XPO1: variants seen among roughly 807,000 people sequenced by gnomAD.
XPO1 encodes exportin-1.
Under a neutral mutation model 133.3 loss-of-function variants are expected in XPO1, and 5 were observed. The ratio of observed to expected loss-of-function variants is 0.04; its 90% CI spans 0.02 to 0.08. XPO1 has a LOEUF of 0.08. Ranked by LOEUF, XPO1 falls within the 10% of genes least tolerant of loss-of-function variation. The probability of loss-of-function intolerance (pLI) is 1.00; values close to 1 mark genes in which losing one functional copy is unlikely to be tolerated. For synonymous variants in XPO1, 419 were observed against 408.2 expected, an observed-to-expected ratio of 1.03 and a Z score of -0.32; for missense variants, 506 against 1,267.5, an observed-to-expected ratio of 0.40 and a Z score of 9.12.
intron 4 of XPO1, among the ~76,000 whole-genome samples, chr2:61,515,625 A>G (rs1482718237): frequency 6.6e-6 from 1 of 152,196 alleles, no homozygotes; most frequent in Non-Finnish European, 1.5e-5. Flanking sequence ...AAACTGAAAT[A>G]TGAGGTCAAA....
Position 61,520,651 on chromosome 2 carries a change from G to GA in XPO1, c.301+1959dup, listed in dbSNP as rs1337328624. ...CAGAGTGAGAATCTGTCTCAACAAAGAAGAAAGAAAGAAACAAAAATTTTT... is the reference window on the plus strand; with the variant it reads ...CAGAGTGAGAATCTGTCTCAACAAAGAAAGAAAGAAAGAAACAAAAATTTTT... On this transcript the variant is annotated intron_variant, in intron 4 of 24. Coordinates refer to ENST00000401558, the MANE Select transcript of XPO1 (RefSeq NM_003400.4). 2.6e-5 allele frequency among the ~76,000 whole-genome samples: 4 copies of GA among 152,108 alleles called. No individual in the cohort carries two copies. The East Asian group carries it at 5.8e-4, about 22-fold the overall frequency.
chr2:61,490,016 G>A (rs72815582), intron 17 of XPO1, among the ~76,000 whole-genome samples: 16,867 of 150,102 alleles, frequency 0.11, 1,285 homozygotes, highest in South Asian at 0.33. Context: ...TCAGCCTCCC[G>A]AGTAGCTGGG....
Position 61,490,543 on chromosome 2 carries a change from T to C in XPO1, c.2022+99A>G, listed in dbSNP as rs1696930798. ...AGACACACATAAAAGCACTTATGGA[T>C]CACACATACATGTTAAAAGGCTTGA... On this transcript the variant is annotated intron_variant, in intron 17 of 24. Coordinates refer to ENST00000401558, the MANE Select transcript of XPO1 (RefSeq NM_003400.4). 6 of 1,508,664 alleles carry C rather than the reference T, an allele frequency of 4.0e-6. No individual in the cohort carries two copies. In the East Asian group the frequency reaches 1.1e-4, roughly 28 times the overall value. The allele number at this position is 1,508,664 out of a possible 1,614,324, so 93.5% of individuals were successfully genotyped here. A position where few individuals can be genotyped will look rare whatever the true frequency, so the allele number is the denominator to read the frequency against.
In XPO1 at chr2:61,485,959, C is replaced by T. The variant is rs1272790060; in HGVS notation, c.2317G>A (p.Ala773Thr). 2 of 1,605,710 alleles carry T rather than the reference C, an allele frequency of 1.2e-6. No homozygotes were observed. The highest frequency in any genetic ancestry group is 1.7e-6 in the Non-Finnish European group (2 of 1,176,612). ...VSRSNDPQMV[A>T]ENFVPPLLDA... ...AACAGAGGGGGAACAAAATTTTCAG[C>T]GACCTGTTGGGGAGGGAAAAAAAAG... The change falls in exon 20 of 25, where the codon GCT becomes ACT. Residue 773 changes from alanine (A) to threonine (T), a missense_variant. Around this residue, in one of 6 missense-constraint regions of XPO1, gnomAD observed 203 missense variants for 365.9 expected, o/e 0.55. Transcript: ENST00000401558.
Position 61,533,157 on chromosome 2 carries a change from C to A in XPO1, c.126+615G>T, listed in dbSNP as rs573721777. Among the ~76,000 whole-genome samples the A allele has an allele frequency of 8.5e-5, 13 of 152,284 alleles. No homozygotes were observed. In the East Asian group the frequency reaches 2.5e-3, roughly 29 times the overall value. ...TAGCGCCACTGCACTCCTGCCTGGA[C>A]CACAGAGCGAGACTGTCTCAAAAAA... On this transcript the variant is annotated intron_variant, in intron 2 of 24. Coordinates refer to ENST00000401558, the MANE Select transcript of XPO1 (RefSeq NM_003400.4).
intron 4 of XPO1, among the ~76,000 whole-genome samples, chr2:61,517,643 T>G (rs1435278919): frequency 6.6e-6 from 1 of 152,198 alleles, no homozygotes; most frequent in Non-Finnish European, 1.5e-5. Flanking sequence ...TATTAGGGAA[T>G]TCTTCCATTT....
At chr2:61,494,377 G>A in intron 11 of XPO1, 6 of 290,168 alleles carry the variant, frequency 2.1e-5, no homozygotes, top group East Asian at 8.5e-5. Context: ...GCCAATAAGT[G>A]GTATCACAAC....
chr2:61,499,964 T>A, intron 6 of XPO1, 70 bp from the exon 7 acceptor site: 2 of 1,435,410 alleles, frequency 1.4e-6, no homozygotes, highest in Non-Finnish European at 1.9e-6. Flanking sequence ...TTCAAAGAAA[T>A]TATGTAATGG....
intron 10 of XPO1, 108 bp downstream of exon 10, chr2:61,496,771 G>C (rs976621187): frequency 1.6e-6 from 2 of 1,231,132 alleles, no homozygotes; most frequent in East Asian, 3.0e-5. Context: ...ATAAACAAAA[G>C]ATTATGGCTT....
chr2:61,493,641 G>A (rs1697101616), intron 12 of XPO1: 1 of 401,358 alleles, frequency 2.5e-6, no homozygotes, highest in Non-Finnish European at 4.5e-6. Flanking sequence ...CTCTGGTTTA[G>A]TAGATTGGCA....
intron 23 of XPO1, among the ~76,000 whole-genome samples, 171 bp from the exon 24 acceptor site, chr2:61,481,452 TA>T (rs1165005663): frequency 6.6e-6 from 1 of 151,822 alleles, no homozygotes; most frequent in Non-Finnish European, 1.5e-5. Flanking sequence ...TTTTTTTTTT[TA>T]ATCAAGAATT....
chr2:61,488,342 G>T, intron 18 of XPO1, 71 bp from the exon 19 acceptor site: 1 of 1,398,798 alleles, frequency 7.1e-7, no homozygotes, highest in South Asian at 1.3e-5. Context: ...GTGTACATTA[G>T]ATGCAATTCC....
rs541681559 is a variant in XPO1, at chr2:61,484,917, A to G, written c.2509-812T>C. 2.6e-5 allele frequency: 4 copies of G among 152,452 alleles called. No homozygotes were observed. The East Asian group carries it at 5.8e-4, about 22-fold the overall frequency. 9.4% of individuals were successfully genotyped at this position (152,452 alleles called of 1,614,324 possible). A position where few individuals can be genotyped will look rare whatever the true frequency, so the allele number is the denominator to read the frequency against. On this transcript the variant is annotated intron_variant, in intron 20 of 24. Transcript: ENST00000401558. Reference sequence around the variant, plus strand: ...AAGCGTGAGCCACGGCACCCAGCCTAATCTTTGAGTAGAGATGGGGTTTCA... The same window carrying G: ...AAGCGTGAGCCACGGCACCCAGCCTGATCTTTGAGTAGAGATGGGGTTTCA...
intron 3 of XPO1, 78 bp downstream of exon 3, chr2:61,526,342 C>A (rs192006388): frequency 2.0e-6 from 3 of 1,511,886 alleles, no homozygotes; most frequent in Non-Finnish European, 2.6e-6. Flanking sequence ...AATGCTAATA[C>A]TAAAAATGAG....
At chr2:61,496,857 T>C in intron 10 of XPO1, 22 bp downstream of exon 10, 1 of 1,512,084 alleles carries the variant, frequency 6.6e-7, no homozygotes, top group Non-Finnish European at 8.8e-7. Flanking sequence ...TTCAGCCAAT[T>C]TTCAAGATAG....
chr2:61,511,498 C>A (rs1024507704), intron 4 of XPO1, among the ~76,000 whole-genome samples: 6 of 151,730 alleles, frequency 4.0e-5, no homozygotes, highest in African/African-American at 1.5e-4. Context: ...GGCTCGACCT[C>A]CTGCCTGGAC....
chr2:61,492,901 A>G lies in XPO1; in HGVS notation c.1384+14T>C. ...ATTTATAAAGGTAAAGATTAACAGT[A>G]TTTATTAACTTACCCAATGTTTCCC... On this transcript the variant is annotated intron_variant, in intron 13 of 24. Coordinates refer to ENST00000401558, the MANE Select transcript of XPO1 (RefSeq NM_003400.4). The surrounding 1 kb of genome is among the most constrained non-coding windows in gnomAD (Gnocchi z 5.6). 2 of 1,589,206 alleles carry G rather than the reference A, an allele frequency of 1.3e-6. No individual in the cohort carries two copies. The highest frequency in any genetic ancestry group is 8.6e-7 in the Non-Finnish European group (1 of 1,169,488).
intron 11 of XPO1, 139 bp from the exon 12 acceptor site, chr2:61,494,230 G>A (rs1194508547): frequency 1.3e-6 from 1 of 760,084 alleles, no homozygotes; most frequent in East Asian, 2.8e-5. Flanking sequence ...TTATCAAATA[G>A]ACAGCAAACT....
At chr2:61,489,649 G>T (rs1696872258) in intron 17 of XPO1, among the ~76,000 whole-genome samples, 1 of 151,200 alleles carries the variant, frequency 6.6e-6, no homozygotes, top group Non-Finnish European at 1.5e-5. Flanking sequence ...CTGCCTCCCA[G>T]GTTCACGCCA....
Sources: allele counts gnomAD v4.1 joint callset (sites outside exome capture counted in the v4.1 genomes callset), GRCh38; gene constraint gnomAD v4.1.1; regional missense constraint gnomAD v4.1.1; non-coding constraint Gnocchi (gnomAD v3.1); transcripts MANE v1.5; gene names NCBI Gene and HGNC (gene_info 2026-07-23, HGNC 2026-07-21).